The following ACTL8 variants were observed in gnomAD, a reference collection of about 807,000 sequenced individuals.
ACTL8 encodes the protein actin-like protein 8.
In ACTL8, 3 loss-of-function variants were observed where a neutral mutation model predicts 9.3. The ratio of observed to expected loss-of-function variants is 0.32; its 90% CI spans 0.15 to 0.83. ACTL8 has a LOEUF of 0.83. Ranked by LOEUF, ACTL8 falls within the 40% of genes least tolerant of loss-of-function variation. The pLI, the probability that ACTL8 is intolerant of heterozygous loss-of-function variation, is 0.57. For synonymous variants in ACTL8, 224 were observed against 205.9 expected, an observed-to-expected ratio of 1.09 and a Z score of -0.75; for missense variants, 381 against 492.2, an observed-to-expected ratio of 0.77 and a Z score of 2.14.
intron 1 of ACTL8, among the ~76,000 whole-genome samples, chr1:17,773,033 A>G (rs938373111): frequency 2.6e-5 from 4 of 152,206 alleles, no homozygotes; most frequent in Non-Finnish European, 4.4e-5. Context: ...TGGAGTTTTA[A>G]TAAGAGTCAA....
intron 1 of ACTL8, among the ~76,000 whole-genome samples, chr1:17,797,979 C>T (rs1382775634): frequency 6.6e-6 from 1 of 152,104 alleles, no homozygotes; most frequent in Non-Finnish European, 1.5e-5. Flanking sequence ...GCTGTCGAAT[C>T]TGAGTGGGGC....
Position 17,826,333 on chromosome 1 carries a change from C to G in ACTL8, c.915C>G (p.Pro305=). Residue 305 remains proline (P), a synonymous_variant, in exon 3 of 3, where the codon CCC becomes CCG. Transcript: ENST00000375406. The surrounding 1 kb of genome is among the most constrained non-coding windows in gnomAD (Gnocchi z 4.5). ...VMACGGNTLY[P]GFTKRLFREL... is the part of the protein sequence containing the mutation. ...CCTGCGGGGGCAACACCCTCTATCC[C>G]GGGTTCACAAAGCGCCTGTTCAGGG... The G allele has an allele frequency of 6.2e-7, 1 of 1,613,776 alleles. No homozygotes were observed. Among genetic ancestry groups the G allele is most frequent in the Non-Finnish European group, 8.5e-7 (1 of 1,179,836 alleles).
chr1:17,763,689 G>C (rs1324840118), intron 1 of ACTL8, among the ~76,000 whole-genome samples: 1 of 152,188 alleles, frequency 6.6e-6, no homozygotes, highest in African/African-American at 2.4e-5. Flanking sequence ...CAGGATTTCT[G>C]AGTTTTAGTG....
intron 1 of ACTL8, among the ~76,000 whole-genome samples, chr1:17,817,649 C>T (rs2066436916): frequency 6.6e-6 from 1 of 152,112 alleles, no homozygotes; most frequent in Non-Finnish European, 1.5e-5. Flanking sequence ...TCTTTGTCTA[C>T]ACTACATCTC....
chr1:17,816,559 CTG>C, intron 1 of ACTL8, among the ~76,000 whole-genome samples: 1 of 152,210 alleles, frequency 6.6e-6, no homozygotes, highest in African/African-American at 2.4e-5. Context: ...CTGTGAGACT[CTG>C]TGTTCTTTTA....
chr1:17,804,255 C>T (rs1053100570), intron 1 of ACTL8, among the ~76,000 whole-genome samples: 1 of 152,160 alleles, frequency 6.6e-6, no homozygotes, highest in South Asian at 2.1e-4. Flanking sequence ...CACCCACCAG[C>T]TGAACACGAG....
intron 1 of ACTL8, among the ~76,000 whole-genome samples, chr1:17,758,006 C>T (rs1239337478): frequency 1.3e-5 from 2 of 152,220 alleles, no homozygotes. Flanking sequence ...GTCTAATCTG[C>T]ACTCCCCTGC....
At chr1:17,793,039 T>G (rs1557437608) in intron 1 of ACTL8, among the ~76,000 whole-genome samples, 1 of 152,288 alleles carries the variant, frequency 6.6e-6, no homozygotes, top group East Asian at 1.9e-4. Context: ...GTTGGTCCCC[T>G]CCCATCCACC....
chr1:17,797,439 G>T (rs1050481000), intron 1 of ACTL8, among the ~76,000 whole-genome samples: 2 of 152,196 alleles, frequency 1.3e-5, no homozygotes, highest in Non-Finnish European at 2.9e-5. Flanking sequence ...CCCAGGCTGT[G>T]TTCTGCAGAC....
intron 1 of ACTL8, among the ~76,000 whole-genome samples, chr1:17,814,741 A>G (rs1435155590): frequency 6.6e-6 from 1 of 152,070 alleles, no homozygotes; most frequent in Admixed American, 6.5e-5. Flanking sequence ...CTCCATATCT[A>G]CCAACAAAAC....
intron 1 of ACTL8, among the ~76,000 whole-genome samples, chr1:17,763,050 G>C (rs1325083373): frequency 6.6e-6 from 1 of 152,100 alleles, no homozygotes; most frequent in Non-Finnish European, 1.5e-5. Context: ...GATGTCTCTT[G>C]GACTGAGACC....
At chr1:17,769,053 T>C (rs1451204299) in intron 1 of ACTL8, among the ~76,000 whole-genome samples, 1 of 152,160 alleles carries the variant, frequency 6.6e-6, no homozygotes, top group Non-Finnish European at 1.5e-5. Flanking sequence ...TTAAGTGACT[T>C]GGACAAAGTC....
intron 1 of ACTL8, among the ~76,000 whole-genome samples, chr1:17,771,297 AT>A (rs892747665): frequency 1.3e-4 from 20 of 150,074 alleles, no homozygotes; most frequent in East Asian, 1.9e-4. Flanking sequence ...TCTTCTTCTG[AT>A]TTTTTTTTTC....
At chr1:17,775,202 C>T (rs1403427578) in intron 1 of ACTL8, among the ~76,000 whole-genome samples, 1 of 152,170 alleles carries the variant, frequency 6.6e-6, no homozygotes, top group Non-Finnish European at 1.5e-5. Flanking sequence ...GGCCTGAGTT[C>T]ACCCAGCAAA....
intron 1 of ACTL8, among the ~76,000 whole-genome samples, chr1:17,795,346 G>A (rs1328773850): frequency 1.3e-5 from 2 of 152,238 alleles, no homozygotes; most frequent in Admixed American, 1.3e-4. Context: ...GCCTGGGAAA[G>A]GAGTCCTCAT....
chr1:17,787,065 T>C (rs919891146), intron 1 of ACTL8, among the ~76,000 whole-genome samples: 7 of 152,144 alleles, frequency 4.6e-5, no homozygotes, highest in African/African-American at 1.7e-4. Context: ...TTTTCCCTTG[T>C]TTTGTTTATC....
chr1:17,772,731 C>T (rs777407107), intron 1 of ACTL8, among the ~76,000 whole-genome samples: 1 of 152,158 alleles, frequency 6.6e-6, no homozygotes, highest in Non-Finnish European at 1.5e-5. Context: ...CTCCCTGGAG[C>T]CTCTGCCATT....
At chr1:17,817,417 G>A (rs576040998) in intron 1 of ACTL8, among the ~76,000 whole-genome samples, 2 of 152,094 alleles carry the variant, frequency 1.3e-5, no homozygotes, top group Non-Finnish European at 2.9e-5. Flanking sequence ...CAAGGCTGCT[G>A]GTAACTTCCA....
intron 1 of ACTL8, among the ~76,000 whole-genome samples, chr1:17,818,852 A>G (rs1191566674): frequency 6.6e-6 from 1 of 152,244 alleles, no homozygotes; most frequent in Admixed American, 6.5e-5. Flanking sequence ...AGTAGAATGT[A>G]AACTCCAGAA....
Sources: allele counts gnomAD v4.1 joint callset (sites outside exome capture counted in the v4.1 genomes callset), GRCh38; gene constraint gnomAD v4.1.1; non-coding constraint Gnocchi (gnomAD v3.1); transcripts MANE v1.5; gene names NCBI Gene and HGNC (gene_info 2026-07-23, HGNC 2026-07-21).